The following MIPOL1 variants were observed in gnomAD, a reference collection of about 807,000 sequenced individuals.
MIPOL1 encodes the protein mirror-image polydactyly gene 1 protein.
Under a neutral mutation model 60.9 loss-of-function variants are expected in MIPOL1, and 57 were observed. The ratio of observed to expected loss-of-function variants is 0.94; its 90% CI spans 0.76 to 1.17. The LOEUF (loss-of-function observed/expected upper bound fraction) is 1.17, where lower values mean the gene tolerates loss of function less well. MIPOL1 is among the 50% of genes most tolerant of loss of function. The pLI, the probability that MIPOL1 is intolerant of heterozygous loss-of-function variation, is 0.00. For missense variants in MIPOL1, 551 were observed against 511.6 expected, an observed-to-expected ratio of 1.08 and a Z score of -0.74; for synonymous variants, 179 against 168.8, an observed-to-expected ratio of 1.06 and a Z score of -0.47.
intron 3 of MIPOL1, among the ~76,000 whole-genome samples, chr14:37,265,935 T>A (rs1023977370): frequency 3.3e-5 from 5 of 152,114 alleles, no homozygotes; most frequent in African/African-American, 9.7e-5. Context: ...ATGAGAAATA[T>A]CCAGAAATAG....
chr14:37,293,895 C>A (rs1189235113), intron 7 of MIPOL1, among the ~76,000 whole-genome samples: 3 of 152,202 alleles, frequency 2.0e-5, no homozygotes, highest in Non-Finnish European at 4.4e-5. Context: ...AGGGCACAGA[C>A]AAACAAAAGG....
chr14:37,284,614 A>G (rs1250343091), intron 6 of MIPOL1, among the ~76,000 whole-genome samples: 4 of 152,154 alleles, frequency 2.6e-5, no homozygotes, highest in African/African-American at 9.7e-5. Flanking sequence ...AAGTGCTGGG[A>G]TTACAGGCGT....
chr14:37,345,892 A>G (rs1259992772), intron 9 of MIPOL1, among the ~76,000 whole-genome samples: 1 of 152,226 alleles, frequency 6.6e-6, no homozygotes, highest in Non-Finnish European at 1.5e-5. Flanking sequence ...TTTGTCTCCT[A>G]TGGTGAGAAT....
chr14:37,276,088 T>A (rs2083636683), intron 6 of MIPOL1, among the ~76,000 whole-genome samples: 1 of 151,106 alleles, frequency 6.6e-6, no homozygotes, highest in Non-Finnish European at 1.5e-5. Context: ...AAGTCTTGTG[T>A]TTTTAAGTCT....
chr14:37,526,421 G>C (rs1206253239), intron 12 of MIPOL1, among the ~76,000 whole-genome samples: 3 of 143,800 alleles, frequency 2.1e-5, no homozygotes, highest in Non-Finnish European at 4.5e-5. Context: ...CCAGGCTCTA[G>C]TGCAGTGGCG....
At chr14:37,451,805 T>C in intron 11 of MIPOL1, among the ~76,000 whole-genome samples, 1 of 113,048 alleles carries the variant, frequency 8.8e-6, no homozygotes, top group African/African-American at 4.0e-5. Flanking sequence ...TTGTTTATTC[T>C]CTCTTTTTTT....
intron 11 of MIPOL1, 35 bp downstream of exon 11, chr14:37,422,984 T>A (rs372443223): frequency 1.5e-6 from 2 of 1,322,182 alleles, no homozygotes; most frequent in Middle Eastern, 1.8e-4. Flanking sequence ...TAAGTAAATA[T>A]TGTTAGTTTG....
chr14:37,443,893 G>C (rs543021485), intron 11 of MIPOL1, among the ~76,000 whole-genome samples: 1 of 152,148 alleles, frequency 6.6e-6, no homozygotes, highest in Middle Eastern at 3.4e-3. Context: ...ACAGAATAAG[G>C]AAGAGAAAAT....
intron 9 of MIPOL1, among the ~76,000 whole-genome samples, chr14:37,362,867 A>G (rs1265004645): frequency 1.3e-5 from 2 of 152,174 alleles, no homozygotes; most frequent in East Asian, 1.9e-4. Flanking sequence ...TTGATCTTCT[A>G]TCACTGATAC....
intron 7 of MIPOL1, among the ~76,000 whole-genome samples, chr14:37,302,987 A>G (rs1433600396): frequency 6.6e-6 from 1 of 151,850 alleles, no homozygotes; most frequent in Non-Finnish European, 1.5e-5. Context: ...ATAATGTTCA[A>G]TTTATCAGGC....
chr14:37,318,719 A>G (rs1489644965), intron 9 of MIPOL1, among the ~76,000 whole-genome samples: 8 of 152,162 alleles, frequency 5.3e-5, no homozygotes, highest in African/African-American at 1.7e-4. Context: ...ATTGTATTGT[A>G]TATACTACTT....
intron 9 of MIPOL1, among the ~76,000 whole-genome samples, chr14:37,348,287 G>A (rs748549119): frequency 1.3e-5 from 2 of 152,050 alleles, no homozygotes; most frequent in Non-Finnish European, 1.5e-5. Context: ...CTGAAAAAAA[G>A]CGTTCAGCCT....
intron 1 of MIPOL1, among the ~76,000 whole-genome samples, chr14:37,228,867 G>T (rs1314620532): frequency 6.6e-6 from 1 of 152,122 alleles, no homozygotes; most frequent in African/African-American, 2.4e-5. Context: ...CAAGGCGGGA[G>T]AATTGCTTGA....
At chr14:37,348,983 C>CTTTTTTT (rs11347957) in intron 9 of MIPOL1, among the ~76,000 whole-genome samples, 44 of 74,128 alleles carry the variant, frequency 5.9e-4, no homozygotes, top group African/African-American at 6.8e-4. Context: ...CCAGCTAATT[C>CTTTTTTT]TTTTTTTTTT....
intron 9 of MIPOL1, among the ~76,000 whole-genome samples, chr14:37,367,351 A>C: frequency 6.6e-6 from 1 of 152,134 alleles, no homozygotes; most frequent in East Asian, 1.9e-4. Context: ...CATTTAATGT[A>C]GTTAAATATG....
chr14:37,224,504 A>G (rs1969369540), intron 1 of MIPOL1, among the ~76,000 whole-genome samples: 2 of 152,174 alleles, frequency 1.3e-5, no homozygotes. Flanking sequence ...AAGGGAAGAC[A>G]GTGAGAGCCA....
chr14:37,342,429 G>T (rs1173291406), intron 9 of MIPOL1, among the ~76,000 whole-genome samples: 2 of 149,536 alleles, frequency 1.3e-5, no homozygotes, highest in African/African-American at 4.9e-5. Context: ...TTGGAATCTC[G>T]CTCTGTCACC....
At chr14:37,248,642 A>ATATC (rs1567144516) in intron 3 of MIPOL1, among the ~76,000 whole-genome samples, 15 of 151,594 alleles carry the variant, frequency 9.9e-5, no homozygotes, top group African/African-American at 3.4e-4. Flanking sequence ...CTATATATAT[A>ATATC]TCTCTCTCTC....
intron 9 of MIPOL1, among the ~76,000 whole-genome samples, chr14:37,328,471 T>C (rs1309303377): frequency 6.6e-6 from 1 of 152,160 alleles, no homozygotes; most frequent in Non-Finnish European, 1.5e-5. Context: ...TTTTATTATA[T>C]GTTACTACTT....
Sources: allele counts gnomAD v4.1 joint callset (sites outside exome capture counted in the v4.1 genomes callset), GRCh38; gene constraint gnomAD v4.1.1; transcripts MANE v1.5; gene names NCBI Gene and HGNC (gene_info 2026-07-23, HGNC 2026-07-21).